The following NFIL3 variants were observed in gnomAD, a reference collection of about 807,000 sequenced individuals.
NFIL3 encodes the protein nuclear factor interleukin-3-regulated protein.
NFIL3 carries 5 observed loss-of-function variants against 10.0 expected under a neutral mutation model. That is an observed-to-expected ratio of 0.50 (90% CI 0.26 to 1.06). The LOEUF (loss-of-function observed/expected upper bound fraction) is 1.06. Ranked by LOEUF, NFIL3 falls within the 50% of genes least tolerant of loss-of-function variation. The pLI, the probability that NFIL3 is intolerant of heterozygous loss-of-function variation, is 0.13. For missense variants in NFIL3, 436 were observed against 547.6 expected (o/e 0.80, Z 2.03); for synonymous variants, 202 against 206.5 (o/e 0.98, Z 0.19).
chr9:91,440,151 T>C, the NFIL3 span, among the ~76,000 whole-genome samples: 1 of 152,258 alleles, frequency 6.6e-6, no homozygotes, highest in East Asian at 1.9e-4. Context: ...TCTTGGGCTC[T>C]TAATTTGGGG....
At chr9:91,479,301 C>A in the NFIL3 span, among the ~76,000 whole-genome samples, 1 of 152,182 alleles carries the variant, frequency 6.6e-6, no homozygotes, top group African/African-American at 2.4e-5. Flanking sequence ...TATCTGTAAG[C>A]CCCTGATTGG....
At chr9:91,476,400 C>T in the NFIL3 span, among the ~76,000 whole-genome samples, 6 of 152,216 alleles carry the variant, frequency 3.9e-5, no homozygotes, top group South Asian at 2.1e-4. Context: ...TGGCAAAACC[C>T]CGTCTCTACA....
the NFIL3 span, among the ~76,000 whole-genome samples, chr9:91,461,278 TA>T: frequency 1.5e-4 from 23 of 152,296 alleles, no homozygotes; most frequent in African/African-American, 5.5e-4. Context: ...TAGGAAAACT[TA>T]ACCTAGTTTG....
chr9:91,417,302 C>T (rs1260828332), intron 1 of NFIL3, among the ~76,000 whole-genome samples: 1 of 152,110 alleles, frequency 6.6e-6, no homozygotes, highest in Non-Finnish European at 1.5e-5. Flanking sequence ...AAAAAAATGT[C>T]TTCAAGGTAA....
chr9:91,424,039 T>A (rs988356781), upstream of NFIL3, among the ~76,000 whole-genome samples: 1 of 139,086 alleles, frequency 7.2e-6, no homozygotes, highest in Non-Finnish European at 1.5e-5. Flanking sequence ...CACTACCAGC[T>A]CGCGTCCCTC....
At chr9:91,434,532 T>A in the NFIL3 span, among the ~76,000 whole-genome samples, 1 of 152,156 alleles carries the variant, frequency 6.6e-6, no homozygotes, top group Non-Finnish European at 1.5e-5. Context: ...CAGGTCTACA[T>A]GAAACCCAGA....
At chr9:91,481,541 C>T in the NFIL3 span, among the ~76,000 whole-genome samples, 2 of 151,982 alleles carry the variant, frequency 1.3e-5, no homozygotes, top group African/African-American at 4.8e-5. Flanking sequence ...CTTAATATTT[C>T]AATATTCGGG....
At chr9:91,429,864 G>T in the NFIL3 span, among the ~76,000 whole-genome samples, 7,925 of 152,030 alleles carry the variant, frequency 0.052, 277 homozygotes, top group Middle Eastern at 0.14. Flanking sequence ...CAGATACAGA[G>T]GCCCGTGTCC....
the NFIL3 span, among the ~76,000 whole-genome samples, chr9:91,462,148 C>T: frequency 6.6e-6 from 1 of 151,954 alleles, no homozygotes; most frequent in African/African-American, 2.4e-5. Flanking sequence ...GAAGTAAATC[C>T]AAATATACTA....
At chr9:91,446,572 C>G in the NFIL3 span, among the ~76,000 whole-genome samples, 1 of 152,190 alleles carries the variant, frequency 6.6e-6, no homozygotes, top group East Asian at 1.9e-4. Flanking sequence ...CCATTTTCAT[C>G]CTTCCAAATG....
At chr9:91,434,184 G>A in the NFIL3 span, among the ~76,000 whole-genome samples, 2 of 152,170 alleles carry the variant, frequency 1.3e-5, no homozygotes. Context: ...GGAGGCTGAG[G>A]CATGAGGATC....
At chr9:91,444,794 G>A in the NFIL3 span, among the ~76,000 whole-genome samples, 5 of 152,204 alleles carry the variant, frequency 3.3e-5, no homozygotes, top group Non-Finnish European at 7.4e-5. Flanking sequence ...GATTCTTGGT[G>A]GCAAGAGCTT....
chr9:91,462,962 T>A, the NFIL3 span, among the ~76,000 whole-genome samples: 7 of 152,058 alleles, frequency 4.6e-5, no homozygotes, highest in South Asian at 1.5e-3. Context: ...TCATCTCAGT[T>A]ATTAAATCTG....
chr9:91,480,221 C>T, the NFIL3 span, among the ~76,000 whole-genome samples: 1 of 151,576 alleles, frequency 6.6e-6, no homozygotes, highest in Non-Finnish European at 1.5e-5. Flanking sequence ...TGGCTCACTG[C>T]CTCTTCATTC....
At chr9:91,462,028 C>T in the NFIL3 span, among the ~76,000 whole-genome samples, 10 of 151,956 alleles carry the variant, frequency 6.6e-5, no homozygotes, top group Non-Finnish European at 8.8e-5. Context: ...TCAATGGGTA[C>T]TTAAAACCTA....
the NFIL3 span, among the ~76,000 whole-genome samples, chr9:91,471,940 T>G: frequency 4.6e-5 from 7 of 152,184 alleles, no homozygotes; most frequent in Non-Finnish European, 1.0e-4. Context: ...CTGTAACAGA[T>G]TTTATTTCTC....
rs1436423280 is a variant in NFIL3 at position 91,423,763 on chromosome 9, G to T, written c.-296C>A. 2 of 145,712 alleles carry T rather than the reference G, an allele frequency of 1.4e-5. No homozygotes were observed. Among genetic ancestry groups the T allele is most frequent in the Middle Eastern group, 3.3e-3 (1 of 302 alleles). The allele number at this position is 145,712 out of a possible 1,614,324, so 9.0% of individuals were successfully genotyped here. A position where few individuals can be genotyped will look rare whatever the true frequency, so the allele number is the denominator to read the frequency against. On this transcript the variant is annotated 5_prime_UTR_variant, in exon 1 of 2. Coordinates refer to ENST00000297689, the MANE Select transcript of NFIL3 (RefSeq NM_005384.3). ...GCGGCGGGAGGCGGGCGGCGGCGAG[G>T]GCGCGGCGCGGGAGGCGGGCGGGCG... is the stretch of plus-strand genomic sequence containing the variant.
rs1833817321 is a variant in NFIL3, at chr9:91,423,687, G to A, written c.-220C>T. 1 of 146,044 alleles carries A rather than the reference G, an allele frequency of 6.8e-6. No homozygotes were observed. The highest frequency in any genetic ancestry group is 2.0e-4 in the East Asian group (1 of 4,970). The allele number at this position is 146,044 out of a possible 1,614,324, so 9.0% of individuals were successfully genotyped here. A position where few individuals can be genotyped will look rare whatever the true frequency, so the allele number is the denominator to read the frequency against. On this transcript the variant is annotated 5_prime_UTR_variant, in exon 1 of 2. Coordinates refer to ENST00000297689, the MANE Select transcript of NFIL3 (RefSeq NM_005384.3). ...CGAGGAGAAAGAAAGGGGCGGCCGG[G>A]AGTCGGGCCGCCGGCGCTCGGGGCT...
the NFIL3 span, among the ~76,000 whole-genome samples, chr9:91,449,609 G>A: frequency 6.6e-6 from 1 of 152,026 alleles, no homozygotes. Flanking sequence ...TAGTTTGCTA[G>A]GATTTTGTTG....
Sources: allele counts gnomAD v4.1 joint callset (sites outside exome capture counted in the v4.1 genomes callset), GRCh38; gene constraint gnomAD v4.1.1; transcripts MANE v1.5; gene names NCBI Gene and HGNC (gene_info 2026-07-23, HGNC 2026-07-21).